CCDC102B: variants seen among roughly 807,000 people sequenced by gnomAD.
CCDC102B encodes the protein coiled-coil domain-containing protein 102B.
CCDC102B carries 75 observed loss-of-function variants against 57.4 expected under a neutral mutation model. That is an observed-to-expected ratio of 1.31 (90% CI 1.08 to 1.58). The LOEUF (loss-of-function observed/expected upper bound fraction) is 1.58. Among genes scored for constraint, CCDC102B ranks in the 40% most tolerant of loss-of-function variants. The probability of loss-of-function intolerance (pLI) is 0.00; values close to 1 mark genes in which losing one functional copy is unlikely to be tolerated. For synonymous variants in CCDC102B, 206 were observed against 201.9 expected (o/e 1.02, Z -0.17); for missense variants, 636 against 582.6 (o/e 1.09, Z -0.94).
At chr18:68,911,056 G>A (rs755314972) in intron 6 of CCDC102B, among the ~76,000 whole-genome samples, 4 of 152,092 alleles carry the variant, frequency 2.6e-5, no homozygotes, top group Admixed American at 6.5e-5. Context: ...AAACAGAACC[G>A]CCGTTCAACC....
chr18:68,854,227 A>C (rs2038278924), intron 4 of CCDC102B, among the ~76,000 whole-genome samples: 1 of 151,450 alleles, frequency 6.6e-6, no homozygotes, highest in Admixed American at 6.6e-5. Context: ...CAGCCTCCCG[A>C]GTAGCTGGGA....
chr18:68,955,622 C>T (rs758559359), intron 6 of CCDC102B, among the ~76,000 whole-genome samples: 3 of 151,592 alleles, frequency 2.0e-5, no homozygotes, highest in Admixed American at 6.6e-5. Context: ...TTCACCTTTT[C>T]CTTTTTTGTT....
At chr18:68,997,622 T>G (rs1246532412) in intron 6 of CCDC102B, among the ~76,000 whole-genome samples, 6 of 152,168 alleles carry the variant, frequency 3.9e-5, no homozygotes, top group Non-Finnish European at 4.4e-5. Flanking sequence ...ACAATTTTTT[T>G]CAGAACATTT....
At chr18:68,718,072 C>T (rs1017024288) in intron 2 of CCDC102B, 1 of 137,300 alleles carries the variant, frequency 7.3e-6, no homozygotes, top group Non-Finnish European at 1.5e-5. Context: ...GATACCACAC[C>T]TGCTGACTCC....
At chr18:68,902,673 G>T (rs1215158127) in intron 6 of CCDC102B, among the ~76,000 whole-genome samples, 1 of 152,064 alleles carries the variant, frequency 6.6e-6, no homozygotes, top group Non-Finnish European at 1.5e-5. Context: ...GCAGCTTCTG[G>T]CAGCCCTTCT....
chr18:68,775,653 ATTTTTT>A (rs369282225), intron 2 of CCDC102B, among the ~76,000 whole-genome samples: 3 of 115,556 alleles, frequency 2.6e-5, no homozygotes, highest in African/African-American at 1.0e-4. Flanking sequence ...TAACTCCTGG[ATTTTTT>A]TTTTTTTTTT....
At chr18:68,921,567 A>G (rs1326220239) in intron 6 of CCDC102B, among the ~76,000 whole-genome samples, 1 of 152,220 alleles carries the variant, frequency 6.6e-6, no homozygotes, top group Non-Finnish European at 1.5e-5. Context: ...GTCCTTAAAT[A>G]TAGAAAATTA....
chr18:68,890,676 G>C (rs1368417775), intron 5 of CCDC102B, among the ~76,000 whole-genome samples: 1 of 152,062 alleles, frequency 6.6e-6, no homozygotes, highest in Non-Finnish European at 1.5e-5. Context: ...TATTAATGCT[G>C]TCAGTTCTAG....
chr18:68,879,031 G>A (rs556159297), intron 5 of CCDC102B, among the ~76,000 whole-genome samples: 5 of 152,086 alleles, frequency 3.3e-5, no homozygotes, highest in Admixed American at 6.5e-5. Context: ...TCGTGGTCTC[G>A]CTGGCTCAGG....
chr18:68,955,654 G>A (rs2049824460), intron 6 of CCDC102B, among the ~76,000 whole-genome samples: 1 of 150,600 alleles, frequency 6.6e-6, no homozygotes, highest in African/African-American at 2.5e-5. Context: ...ATTACCATCT[G>A]GCTGCCTGTT....
At chr18:68,927,202 C>A (rs972227245) in intron 6 of CCDC102B, among the ~76,000 whole-genome samples, 30 of 151,864 alleles carry the variant, frequency 2.0e-4, no homozygotes. Flanking sequence ...TAATTTTTAA[C>A]CTCATTAAGT....
At chr18:68,892,826 A>G (rs1599645233) in intron 5 of CCDC102B, among the ~76,000 whole-genome samples, 2 of 152,312 alleles carry the variant, frequency 1.3e-5, no homozygotes, top group South Asian at 4.1e-4. Context: ...GATACTGCAA[A>G]GCTTAAAAAT....
intron 7 of CCDC102B, among the ~76,000 whole-genome samples, chr18:69,017,803 C>G (rs2051710510): frequency 6.6e-6 from 1 of 152,148 alleles, no homozygotes; most frequent in South Asian, 2.1e-4. Context: ...TCCTTCCCTG[C>G]CCCCTGCCCC....
chr18:68,858,863 T>C (rs577981722), intron 4 of CCDC102B: 57 of 152,254 alleles, frequency 3.7e-4, no homozygotes, highest in African/African-American at 1.3e-3. Flanking sequence ...GATGGGAAAA[T>C]ATTTATTCCT....
chr18:68,838,722 T>C lies in CCDC102B; in HGVS notation c.623T>C (p.Ile208Thr), dbSNP rs2037494783. 1.9e-6 allele frequency: 3 copies of C among 1,613,882 alleles called. No homozygotes were observed. Among genetic ancestry groups the C allele is most frequent in the Non-Finnish European group, 2.5e-6 (3 of 1,179,824 alleles). The stretch of plus-strand genomic sequence containing the variant: ...TGTCTTCAGGAACAAGGTGTGGTTA[T>C]TGATTCTCTAAAATTAAGTGAGGAG... ...DTNNKEQGVV[I>T]DSLKLSEEMK... Residue 208 changes from isoleucine to threonine, a missense_variant, in exon 3 of 8, where the codon ATT becomes ACT. Transcript: ENST00000360242.
chr18:68,749,384 G>A (rs1304653592), intron 2 of CCDC102B, among the ~76,000 whole-genome samples: 3 of 151,950 alleles, frequency 2.0e-5, no homozygotes, highest in Non-Finnish European at 2.9e-5. Flanking sequence ...CCATTTTCAC[G>A]ATATTGATTC....
chr18:68,942,647 A>C (rs12956386), intron 6 of CCDC102B, among the ~76,000 whole-genome samples: 136,037 of 151,852 alleles, frequency 0.9, 61,177 homozygotes, highest in Admixed American at 0.93. Context: ...GCATGTCTCA[A>C]CTCCAGCCCT....
At position 69,055,043 on chromosome 18, in the gene CCDC102B, A is replaced by G. The variant is rs535984856; in HGVS notation, c.*906A>G. 2.2e-4 allele frequency: 212 copies of G among 983,098 alleles called. 4 individuals are homozygous for G. In the African/African-American group the frequency reaches 3.4e-3, roughly 16 times the overall value. The allele number at this position is 983,098 out of a possible 1,614,324, so 60.9% of individuals were successfully genotyped here. A position where few individuals can be genotyped will look rare whatever the true frequency, so the allele number is the denominator to read the frequency against. On this transcript the variant is annotated 3_prime_UTR_variant, in exon 8 of 8. Coordinates refer to ENST00000360242, the MANE Select transcript of CCDC102B (RefSeq NM_024781.3). ...AACAAAAAGACACTTATAATTTTCC[A>G]TACCTATTTTCAACTGAAGGCAACT...
chr18:68,940,828 G>T (rs1284212831), intron 6 of CCDC102B, among the ~76,000 whole-genome samples: 1 of 151,758 alleles, frequency 6.6e-6, no homozygotes, highest in Non-Finnish European at 1.5e-5. Flanking sequence ...CAGTTTTGTG[G>T]CATATAGTAT....
Sources: allele counts gnomAD v4.1 joint callset (sites outside exome capture counted in the v4.1 genomes callset), GRCh38; gene constraint gnomAD v4.1.1; transcripts MANE v1.5; gene names NCBI Gene and HGNC (gene_info 2026-07-23, HGNC 2026-07-21).